The following MELK variants were observed in gnomAD, a reference collection of about 807,000 sequenced individuals.
The protein encoded by MELK is maternal embryonic leucine zipper kinase, also known as pEg3 kinase.
A neutral mutation model predicts 85.0 loss-of-function variants in MELK; 81 were observed. The observed-to-expected ratio is 0.95, with a 90% CI of 0.80 to 1.15. The LOEUF (loss-of-function observed/expected upper bound fraction) is 1.15. Ranked by LOEUF, MELK falls within the 50% of genes most tolerant of loss-of-function variation. The probability of loss-of-function intolerance (pLI) is 0.00; values close to 1 mark genes in which losing one functional copy is unlikely to be tolerated. For missense variants in MELK, 754 were observed against 777.5 expected (o/e 0.97, Z 0.36); for synonymous variants, 252 against 265.0 (o/e 0.95, Z 0.48).
chr9:36,671,889 G>A (rs1832922615), intron 16 of MELK, among the ~76,000 whole-genome samples: 1 of 152,196 alleles, frequency 6.6e-6, no homozygotes, highest in African/African-American at 2.4e-5. Flanking sequence ...CATTCCTTGA[G>A]GAACTCTTAG....
At chr9:36,591,961 C>G (rs897238570) in intron 4 of MELK, among the ~76,000 whole-genome samples, 6 of 151,792 alleles carry the variant, frequency 4.0e-5, no homozygotes, top group African/African-American at 1.5e-4. Flanking sequence ...TATTAAAAAA[C>G]AAAATCCTCT....
intron 8 of MELK, among the ~76,000 whole-genome samples, chr9:36,612,102 T>C (rs1455919751): frequency 6.6e-6 from 1 of 152,028 alleles, no homozygotes; most frequent in African/African-American, 2.4e-5. Context: ...TTTGTTTGTT[T>C]TGTTTTTTTC....
At position 36,661,942 on chromosome 9, in the gene MELK, A is replaced by C. The variant is rs544192353; in HGVS notation, c.1177-3408A>C. Reference sequence around the variant, plus strand: ...ACAGAGCGAGACTCCGTCTCAAAAAAAAAAAAAAAAAAAACAAAACAAACA... The same window carrying C: ...ACAGAGCGAGACTCCGTCTCAAAAACAAAAAAAAAAAAAACAAAACAAACA... On this transcript the variant is annotated intron_variant, in intron 13 of 17. Coordinates refer to ENST00000298048, the MANE Select transcript of MELK (RefSeq NM_014791.4). 9.2e-3 allele frequency among the ~76,000 whole-genome samples: 1,384 copies of C among 151,250 alleles called. 18 individuals are homozygous for C. Among genetic ancestry groups the C allele is most frequent in the Non-Finnish European group, 0.011 (776 of 67,812 alleles).
Position 36,627,053 on chromosome 9 carries a change from AACACACAC to A in MELK, c.667-3217_667-3210del, listed in dbSNP as rs10608377. On this transcript the variant is annotated intron_variant, in intron 8 of 17. Coordinates refer to ENST00000298048, the MANE Select transcript of MELK (RefSeq NM_014791.4). ...GAAGACAAGGACAAGCACAAGCGCA[AACACACAC>A]ACACACACACACACACACACACACA... 6.0e-3 allele frequency among the ~76,000 whole-genome samples: 840 copies of A among 140,958 alleles called. 7 individuals carry two copies. Among genetic ancestry groups the A allele is most frequent in the African/African-American group, 0.021 (805 of 37,958 alleles). The allele number at this position is 140,958 out of a possible 152,430, so 92.5% of individuals were successfully genotyped here.
chr9:36,646,936 T>C (rs1830265482), intron 11 of MELK, among the ~76,000 whole-genome samples: 1 of 152,242 alleles, frequency 6.6e-6, no homozygotes, highest in South Asian at 2.1e-4. Context: ...CACTTTACTT[T>C]CAGACATTTG....
chr9:36,585,302 GT>G (rs869244728), intron 3 of MELK, among the ~76,000 whole-genome samples: 936 of 77,800 alleles, frequency 0.012, 2 homozygotes, highest in African/African-American at 0.04. Flanking sequence ...ACCATTCTTT[GT>G]TTTTTTTTTT....
chr9:36,609,856 T>C (rs906601523), intron 8 of MELK, among the ~76,000 whole-genome samples: 26 of 152,208 alleles, frequency 1.7e-4, no homozygotes, highest in Non-Finnish European at 2.4e-4. Context: ...AACTTTATTA[T>C]TGTCCACCAG....
chr9:36,594,392 T>C (rs1564135166), intron 4 of MELK, among the ~76,000 whole-genome samples: 1 of 152,240 alleles, frequency 6.6e-6, no homozygotes, highest in Non-Finnish European at 1.5e-5. Context: ...TAGTTGGTTT[T>C]ACTTCTACTT....
At chr9:36,581,780 T>C (rs1205949700) in intron 2 of MELK, 41 bp downstream of exon 2, 4 of 1,470,072 alleles carry the variant, frequency 2.7e-6, no homozygotes, top group Admixed American at 1.8e-5. Flanking sequence ...ATAGATCAAC[T>C]ATTTGAGAGT....
At chr9:36,665,702 T>G (rs1464929514) in intron 14 of MELK, 121 bp downstream of exon 14, 25 of 655,766 alleles carry the variant, frequency 3.8e-5, no homozygotes, top group Non-Finnish European at 5.2e-5. Context: ...AGTGAAGCTG[T>G]TTTTTATCAT....
intron 8 of MELK, among the ~76,000 whole-genome samples, chr9:36,627,037 G>GACAAGC (rs1827998055): frequency 7.3e-6 from 1 of 136,172 alleles, no homozygotes; most frequent in Non-Finnish European, 1.5e-5. Flanking sequence ...AGAAGACAAG[G>GACAAGC]ACAAGCACAA....
chr9:36,645,570 C>T (rs1321074632), intron 11 of MELK, among the ~76,000 whole-genome samples: 8 of 152,126 alleles, frequency 5.3e-5, no homozygotes, highest in Non-Finnish European at 8.8e-5. Flanking sequence ...AATCCCTGTT[C>T]ATACTTCGTT....
chr9:36,673,733 A>G (rs1045786375), intron 16 of MELK, among the ~76,000 whole-genome samples: 1 of 152,224 alleles, frequency 6.6e-6, no homozygotes, highest in Non-Finnish European at 1.5e-5. Flanking sequence ...AACTGTGCAT[A>G]TTTTAAAGTA....
At chr9:36,606,182 T>G (rs982610296) in intron 7 of MELK, among the ~76,000 whole-genome samples, 1 of 151,444 alleles carries the variant, frequency 6.6e-6, no homozygotes, top group African/African-American at 2.4e-5. Flanking sequence ...CTAGTGTCTC[T>G]CTCTCTCTCT....
intron 10 of MELK, among the ~76,000 whole-genome samples, chr9:36,636,732 C>CTT (rs376548140): frequency 3.9e-3 from 198 of 51,398 alleles, no homozygotes; most frequent in Middle Eastern, 9.4e-3. Flanking sequence ...AACTGGATTT[C>CTT]TTTCTTTCTT....
chr9:36,649,204 G>T (rs1336814428), intron 11 of MELK, among the ~76,000 whole-genome samples: 2 of 152,040 alleles, frequency 1.3e-5, no homozygotes, highest in African/African-American at 4.8e-5. Flanking sequence ...AGAACCTGGT[G>T]GGCTAGGTGC....
At chr9:36,580,710 A>G (rs1186038119) in intron 1 of MELK, among the ~76,000 whole-genome samples, 1 of 143,768 alleles carries the variant, frequency 7.0e-6, no homozygotes, top group Non-Finnish European at 1.5e-5. Flanking sequence ...TTTGTTGGCC[A>G]TTTGTGTTTC....
chr9:36,652,619 A>G (rs1554735363), intron 12 of MELK, among the ~76,000 whole-genome samples: 1 of 151,298 alleles, frequency 6.6e-6, no homozygotes, highest in Non-Finnish European at 1.5e-5. Flanking sequence ...AGTCCCAGCT[A>G]CTTGGGAGGA....
At chr9:36,654,321 G>A (rs1297818526) in intron 12 of MELK, among the ~76,000 whole-genome samples, 1 of 148,708 alleles carries the variant, frequency 6.7e-6, no homozygotes, top group Non-Finnish European at 1.5e-5. Context: ...TAAGGGGCCT[G>A]AGACATTTTC....
Sources: allele counts gnomAD v4.1 joint callset (sites outside exome capture counted in the v4.1 genomes callset), GRCh38; gene constraint gnomAD v4.1.1; transcripts MANE v1.5; gene names NCBI Gene and HGNC (gene_info 2026-07-23, HGNC 2026-07-21).